Variants in LRCH1 observed in about 807,000 individuals in gnomAD.
LRCH1 encodes the protein leucine rich repeats and calponin homology domain containing 1, also known as leucine-rich repeat and calponin homology domain-containing protein 1.
In LRCH1, 23 loss-of-function variants were observed where a neutral mutation model predicts 94.9. That is an observed-to-expected ratio of 0.24 (90% CI 0.17 to 0.34). The LOEUF (loss-of-function observed/expected upper bound fraction) is 0.34, where lower values mean the gene tolerates loss of function less well. Among genes scored for constraint, LRCH1 ranks in the 10% least tolerant of loss-of-function variants. The pLI, the probability that LRCH1 is intolerant of heterozygous loss-of-function variation, is 1.00. For missense variants in LRCH1, 790 were observed against 945.9 expected (o/e 0.84, Z 2.16); for synonymous variants, 364 against 354.9 (o/e 1.03, Z -0.29).
At chr13:46,603,035 A>G (rs747599335) in intron 1 of LRCH1, among the ~76,000 whole-genome samples, 2 of 151,378 alleles carry the variant, frequency 1.3e-5, no homozygotes, top group Non-Finnish European at 2.9e-5. Flanking sequence ...ATTTCTTGTC[A>G]GATAAATGGC....
rs774790361 is a variant in LRCH1 at position 46,701,103 on chromosome 13, C to T, written c.1314-18C>T. 6.6e-7 allele frequency: 1 copy of T among 1,520,056 alleles called. No individual in the cohort carries two copies. 94.2% of individuals were successfully genotyped at this position (1,520,056 alleles called of 1,614,324 possible). ...TGTATTGATCGTTTTCATTCTTATGCTTGGTTTCACGTTACAGAATAAGTT... is the reference window on the plus strand; with the variant it reads ...TGTATTGATCGTTTTCATTCTTATGTTTGGTTTCACGTTACAGAATAAGTT... On this transcript the variant is annotated intron_variant, in intron 10 of 19. Transcript: ENST00000389797.
intron 1 of LRCH1, among the ~76,000 whole-genome samples, chr13:46,637,542 C>T (rs2051106884): frequency 6.6e-6 from 1 of 152,180 alleles, no homozygotes; most frequent in Non-Finnish European, 1.5e-5. Flanking sequence ...CATCCTGCTG[C>T]TACCTTAGGG....
chr13:46,724,169 T>C (rs1214452861), intron 17 of LRCH1, among the ~76,000 whole-genome samples: 5 of 152,048 alleles, frequency 3.3e-5, no homozygotes, highest in Non-Finnish European at 5.9e-5. Flanking sequence ...TTTGTATTTT[T>C]ACTAGAAAAA....
At chr13:46,653,754 T>C (rs1219546361) in intron 2 of LRCH1, among the ~76,000 whole-genome samples, 1 of 151,822 alleles carries the variant, frequency 6.6e-6, no homozygotes, top group Non-Finnish European at 1.5e-5. Context: ...TCTGGGAGGT[T>C]GAAGCTGCGG....
chr13:46,746,585 C>CA (rs998666157), downstream of LRCH1, among the ~76,000 whole-genome samples: 47 of 152,272 alleles, frequency 3.1e-4, no homozygotes, highest in African/African-American at 1.1e-3. Context: ...ACGTTCTCAA[C>CA]AAAAATCTCC....
intron 1 of LRCH1, among the ~76,000 whole-genome samples, chr13:46,623,227 T>A (rs1385479817): frequency 6.6e-6 from 1 of 152,142 alleles, no homozygotes; most frequent in East Asian, 1.9e-4. Context: ...GGGAGCAATT[T>A]TTTATTGAAT....
intron 1 of LRCH1, among the ~76,000 whole-genome samples, chr13:46,594,288 CAG>C (rs1417386222): frequency 1.4e-5 from 2 of 144,042 alleles, no homozygotes; most frequent in African/African-American, 2.6e-5. Flanking sequence ...AGAAAATAAA[CAG>C]AGACTGTAGT....
intron 16 of LRCH1, among the ~76,000 whole-genome samples, chr13:46,719,719 T>C (rs763571675): frequency 9.9e-5 from 15 of 152,236 alleles, no homozygotes; most frequent in South Asian, 2.1e-4. Flanking sequence ...TTATTTATGC[T>C]GGGTGCAGTA....
At chr13:46,674,371 G>A (rs1248644432) in intron 3 of LRCH1, among the ~76,000 whole-genome samples, 1 of 152,168 alleles carries the variant, frequency 6.6e-6, no homozygotes, top group Non-Finnish European at 1.5e-5. Context: ...CTCCCATGAG[G>A]AAGCCACAAA....
At chr13:46,677,255 CAAAAAAAA>C (rs67827727) in intron 3 of LRCH1, among the ~76,000 whole-genome samples, 149 of 98,066 alleles carry the variant, frequency 1.5e-3, no homozygotes, top group African/African-American at 5.2e-3. Flanking sequence ...ACTAAAAATA[CAAAAAAAA>C]AAAAAAAAAA....
At chr13:46,639,517 C>T (rs1260417005) in intron 1 of LRCH1, among the ~76,000 whole-genome samples, 1 of 152,170 alleles carries the variant, frequency 6.6e-6, no homozygotes, top group Non-Finnish European at 1.5e-5. Flanking sequence ...GTATTTGTTA[C>T]ACTTCAAATA....
chr13:46,748,163 T>C (rs767429810), downstream of LRCH1, among the ~76,000 whole-genome samples: 4 of 152,232 alleles, frequency 2.6e-5, no homozygotes, highest in Admixed American at 2.0e-4. Context: ...GCTTTGCTCT[T>C]TTCCTTTGTG....
chr13:46,663,403 C>T (rs1285419964), intron 2 of LRCH1, among the ~76,000 whole-genome samples: 1 of 152,030 alleles, frequency 6.6e-6, no homozygotes, highest in Non-Finnish European at 1.5e-5. Context: ...AGGGGAAGGG[C>T]AGGCAATGAA....
Position 46,723,085 on chromosome 13 carries a change from G to T in LRCH1, c.1760-136G>T, listed in dbSNP as rs1872657627. ...AATACTTGAGCCAGGCTTTTCTTGT[G>T]GATTTGGAATTTCTTTGTTTCTTTG... On this transcript the variant is annotated intron_variant, in intron 16 of 19. Coordinates refer to ENST00000389797, the MANE Select transcript of LRCH1 (RefSeq NM_001164211.2). 9.3e-6 allele frequency: 5 copies of T among 536,598 alleles called. No individual in the cohort carries two copies. In the Admixed American group the frequency reaches 1.4e-4, roughly 15 times the overall value. The allele number at this position is 536,598 out of a possible 1,614,324, so 33.2% of individuals were successfully genotyped here. A position where few individuals can be genotyped will look rare whatever the true frequency, so the allele number is the denominator to read the frequency against.
At chr13:46,614,350 C>T (rs1313775235) in intron 1 of LRCH1, among the ~76,000 whole-genome samples, 1 of 151,886 alleles carries the variant, frequency 6.6e-6, no homozygotes, top group Non-Finnish European at 1.5e-5. Context: ...TTTGTCTATT[C>T]CAGGGAGATG....
At chr13:46,619,074 TCC>T (rs2050847931) in intron 1 of LRCH1, among the ~76,000 whole-genome samples, 1 of 59,454 alleles carries the variant, frequency 1.7e-5, no homozygotes, top group Non-Finnish European at 2.9e-5. Flanking sequence ...TTTCCTTCCT[TCC>T]TTCCTTCCTT....
chr13:46,618,628 C>T lies in LRCH1; in HGVS notation c.308-31573C>T, dbSNP rs113315631. On this transcript the variant is annotated intron_variant, in intron 1 of 19. Coordinates refer to ENST00000389797, the MANE Select transcript of LRCH1 (RefSeq NM_001164211.2). ...CTGGAAAATGACGTTGAGAATTGGA[C>T]GTTACACTACAATGTAGTCCTCCAA... Among the ~76,000 whole-genome samples, 372 of 152,266 alleles carry T rather than the reference C, an allele frequency of 2.4e-3. 2 individuals are homozygous for T. The highest frequency in any genetic ancestry group is 8.5e-3 in the African/African-American group (353 of 41,546).
rs148815849 is a variant in LRCH1 at position 46,628,576 on chromosome 13, G to A, written c.308-21625G>A. Among the ~76,000 whole-genome samples the A allele has an allele frequency of 7.6e-3, 1,147 of 150,046 alleles. 14 individuals are homozygous for A. Among genetic ancestry groups the A allele is most frequent in the African/African-American group, 0.026 (1,073 of 40,654 alleles). ...GGAGGCTGAGGCAGGAGAATCACTT[G>A]AACTTGGGAGGCAGAGGTTGCAGTG... On this transcript the variant is annotated intron_variant, in intron 1 of 19. Coordinates refer to ENST00000389797, the MANE Select transcript of LRCH1 (RefSeq NM_001164211.2).
At position 46,685,898 on chromosome 13, in the gene LRCH1, A is replaced by G. The variant is rs757810739; in HGVS notation, c.686-7A>G. 4 of 1,542,498 alleles carry G rather than the reference A, an allele frequency of 2.6e-6. No homozygotes were observed. The highest frequency in any genetic ancestry group is 2.5e-5 in the South Asian group (2 of 79,422). On this transcript the variant is annotated splice_polypyrimidine_tract_variant and splice_region_variant and intron_variant, in intron 4 of 19. Transcript: ENST00000389797. The stretch of plus-strand genomic sequence containing the variant: ...TCTTTCTTTTTTTCTTTTTTCTATT[A>G]TTTTAGAACTAGTAGATCTTTCCTT...
Sources: allele counts gnomAD v4.1 joint callset (sites outside exome capture counted in the v4.1 genomes callset), GRCh38; gene constraint gnomAD v4.1.1; transcripts MANE v1.5; gene names NCBI Gene and HGNC (gene_info 2026-07-23, HGNC 2026-07-21).